Variants in TBXAS1 observed in about 807,000 individuals in gnomAD.
TBXAS1 encodes thromboxane-A synthase.
A neutral mutation model predicts 60.7 loss-of-function variants in TBXAS1; 48 were observed. The ratio of observed to expected loss-of-function variants is 0.79; its 90% confidence interval spans 0.63 to 1.01. The LOEUF is 1.01. Among genes scored for constraint, TBXAS1 ranks in the 50% least tolerant of loss-of-function variants. TBXAS1 has a pLI of 0.00. For missense variants in TBXAS1, 685 were observed against 686.3 expected (o/e 1.00, Z 0.02); for synonymous variants, 287 against 269.7 (o/e 1.06, Z -0.63).
At chr7:139,862,968 A>C (rs532803947) in intron 1 of TBXAS1, among the ~76,000 whole-genome samples, 1 of 152,310 alleles carries the variant, frequency 6.6e-6, no homozygotes, top group East Asian at 1.9e-4. Flanking sequence ...ACTTGTCTGA[A>C]ATGTAGCTGA....
chr7:139,805,724 CTCTCTCTT>C lies in TBXAS1; in HGVS notation c.-80+18302_-80+18309del, dbSNP rs1569492533. Reference sequence around the variant, plus strand: ...TTTCTTTCTTTCTTTCTCTCTCTCTCTCTCTCTTTCTTTCTTTCTTTCTTTCTTTCTTG... The same window carrying C: ...TTTCTTTCTTTCTTTCTCTCTCTCTCTCTTTCTTTCTTTCTTTCTTTCTTG... On this transcript the variant is annotated intron_variant, in intron 4 of 16. Coordinates refer to the TBXAS1 transcript ENST00000336425. Among the ~76,000 whole-genome samples the C allele has an allele frequency of 1.0e-3, 123 of 118,662 alleles. 4 individuals carry two copies. Among genetic ancestry groups the C allele is most frequent in the African/African-American group, 3.8e-3 (106 of 27,602 alleles). The allele number at this position is 118,662 out of a possible 152,430, so 77.8% of individuals were successfully genotyped here. A position where few individuals can be genotyped will look rare whatever the true frequency, so the allele number is the denominator to read the frequency against.
At chr7:139,889,660 T>G (rs896903465) in intron 3 of TBXAS1, among the ~76,000 whole-genome samples, 1 of 152,154 alleles carries the variant, frequency 6.6e-6, no homozygotes, top group African/African-American at 2.4e-5. Context: ...GAGGGCTCAC[T>G]TTCTGGTTCA....
chr7:139,951,923 A>AAGAG (rs1809365510), intron 5 of TBXAS1, among the ~76,000 whole-genome samples: 1 of 98,302 alleles, frequency 1.0e-5, no homozygotes, highest in Admixed American at 1.2e-4. Flanking sequence ...GAAAGAGAGA[A>AAGAG]AGAAAGAGAG....
intron 4 of TBXAS1, among the ~76,000 whole-genome samples, chr7:139,806,376 C>G (rs1307728398): frequency 2.6e-5 from 4 of 151,960 alleles, no homozygotes; most frequent in Admixed American, 2.0e-4. Context: ...GATTCTCATG[C>G]CTCAGCCTCT....
rs1226179759 is a variant in TBXAS1, at chr7:139,916,612, T to C, written c.333+5291T>C. ...CTCGCTCTCCACACAGCTGTGAACA[T>C]TGCAGGATGAGTCACTGTGAAACCA... On this transcript the variant is annotated intron_variant, in intron 4 of 12. Transcript: ENST00000448866. This position sits in a 1 kb window ranked among gnomAD's most constrained non-coding sequence, Gnocchi z 4.2. 6.6e-6 allele frequency among the ~76,000 whole-genome samples: 1 copy of C among 152,212 alleles called. No homozygotes were observed. Among genetic ancestry groups the C allele is most frequent in the African/African-American group, 2.4e-5 (1 of 41,460 alleles).
intron 1 of TBXAS1, among the ~76,000 whole-genome samples, chr7:139,831,111 T>A (rs886459549): frequency 6.6e-6 from 1 of 152,006 alleles, no homozygotes; most frequent in African/African-American, 2.4e-5. Context: ...TATTAACCTG[T>A]TAATGTGTGC....
intron 4 of TBXAS1, among the ~76,000 whole-genome samples, chr7:139,790,884 C>T (rs1020060165): frequency 6.6e-6 from 1 of 152,178 alleles, no homozygotes; most frequent in African/African-American, 2.4e-5. Context: ...TTCACTGCAA[C>T]CTCTGCCTCC....
chr7:139,992,343 T>C (rs1812975454), intron 9 of TBXAS1, among the ~76,000 whole-genome samples: 1 of 152,224 alleles, frequency 6.6e-6, no homozygotes, highest in African/African-American at 2.4e-5. Flanking sequence ...TTTAATTTTT[T>C]AAAAAACCTC....
intron 10 of TBXAS1, among the ~76,000 whole-genome samples, chr7:140,010,203 T>C (rs939016878): frequency 1.3e-5 from 2 of 152,136 alleles, no homozygotes; most frequent in African/African-American, 4.8e-5. Flanking sequence ...GGTGTCACAA[T>C]TCTCACCCAG....
intron 3 of TBXAS1, among the ~76,000 whole-genome samples, chr7:139,892,565 C>T (rs1251263145): frequency 6.6e-6 from 1 of 152,118 alleles, no homozygotes; most frequent in African/African-American, 2.4e-5. Flanking sequence ...TGCACTCCAG[C>T]CTGGGCGACA....
chr7:140,011,233 T>C (rs1480794317), intron 10 of TBXAS1, among the ~76,000 whole-genome samples: 4 of 150,234 alleles, frequency 2.7e-5, no homozygotes, highest in East Asian at 3.9e-4. Flanking sequence ...GCCAAGATAG[T>C]GCCACTGCAC....
At chr7:139,956,388 C>T (rs1223431943) in intron 7 of TBXAS1, among the ~76,000 whole-genome samples, 1 of 152,154 alleles carries the variant, frequency 6.6e-6, no homozygotes, top group Non-Finnish European at 1.5e-5. Flanking sequence ...TCAGGTGATC[C>T]GCCCACCTTG....
chr7:139,830,596 A>T (rs996963413), intron 1 of TBXAS1, among the ~76,000 whole-genome samples: 2 of 151,444 alleles, frequency 1.3e-5, no homozygotes, highest in Admixed American at 6.6e-5. Flanking sequence ...AACTGGCCAC[A>T]TGTAAAACCA....
chr7:139,930,275 C>G (rs1470586399), intron 4 of TBXAS1, among the ~76,000 whole-genome samples: 1 of 152,248 alleles, frequency 6.6e-6, no homozygotes, highest in Non-Finnish European at 1.5e-5. Flanking sequence ...TGTCCACCTT[C>G]TCCCACTAGA....
upstream of TBXAS1, among the ~76,000 whole-genome samples, chr7:139,826,129 C>T (rs939455925): frequency 6.6e-6 from 1 of 152,198 alleles, no homozygotes; most frequent in African/African-American, 2.4e-5. Context: ...CTCCATGCCA[C>T]CCCCTCCATG....
Position 139,957,692 on chromosome 7 carries a change from C to A in TBXAS1, c.747C>A (p.Asp249Glu), listed in dbSNP as rs1331998348. Residue 249 changes from aspartate (D) to glutamate (E), a missense_variant, in exon 8 of 13, where the codon GAC becomes GAA. Transcript: ENST00000448866. The part of the protein sequence containing the change: ...LARILPNKNR[D>E]ELNGFFNKLI... ...GGATTTTGCCCAATAAGAACCGAGA[C>A]GAACTGAATGGCTTTTTTAACAAAC... 6.2e-7 allele frequency: 1 copy of A among 1,613,980 alleles called. No individual in the cohort carries two copies. The highest frequency in any genetic ancestry group is 2.2e-5 in the East Asian group (1 of 44,890).
intron 3 of TBXAS1, among the ~76,000 whole-genome samples, chr7:139,893,968 G>A (rs1803873833): frequency 6.6e-6 from 1 of 152,188 alleles, no homozygotes. Flanking sequence ...CTTTATTGTA[G>A]CTTGACAGAG....
chr7:139,865,152 C>CATGAGG (rs888576915), intron 1 of TBXAS1, among the ~76,000 whole-genome samples: 4 of 152,088 alleles, frequency 2.6e-5, no homozygotes, highest in Non-Finnish European at 5.9e-5. Flanking sequence ...GGGGGCTGAA[C>CATGAGG]ATGAGGATGA....
chr7:139,939,564 C>A (rs888153125), intron 5 of TBXAS1, among the ~76,000 whole-genome samples: 5 of 151,670 alleles, frequency 3.3e-5, no homozygotes, highest in Admixed American at 1.3e-4. Context: ...TAACTTTTTC[C>A]CCACCTCTGG....
Sources: gnomAD v4.1 joint callset for allele counts (sites outside exome capture counted in the v4.1 genomes callset) on GRCh38, gnomAD v4.1.1 for gene constraint, Gnocchi (gnomAD v3.1) non-coding constraint, MANE v1.5 for transcripts, NCBI Gene and HGNC (gene_info 2026-07-23, HGNC 2026-07-21) for gene names.